Variants in GSG1L observed in about 807,000 individuals in gnomAD.
GSG1L encodes GSG1 like.
GSG1L carries 24 observed loss-of-function variants against 42.1 expected under a neutral mutation model. The ratio of observed to expected loss-of-function variants is 0.57; its 90% CI spans 0.41 to 0.80. GSG1L has a LOEUF of 0.80. Ranked by LOEUF, GSG1L falls within the 30% of genes least tolerant of loss-of-function variation. The pLI is 0.00. For synonymous variants in GSG1L, 215 were observed against 203.5 expected (o/e 1.06, Z -0.48); for missense variants, 445 against 472.2 (o/e 0.94, Z 0.53).
At chr16:27,990,596 G>T (rs2085444615) in intron 1 of GSG1L, among the ~76,000 whole-genome samples, 1 of 152,144 alleles carries the variant, frequency 6.6e-6, no homozygotes, top group Non-Finnish European at 1.5e-5. Flanking sequence ...GATAAATAAA[G>T]AATGACACTT....
At chr16:27,979,733 A>AAGAAAAAGAAAGAAAGG (rs1555512114) in intron 1 of GSG1L, among the ~76,000 whole-genome samples, 8 of 65,362 alleles carry the variant, frequency 1.2e-4, no homozygotes, top group Admixed American at 3.2e-4. Context: ...GAAGGAAAGA[A>AAGAAAAAGAAAGAAAGG]AAAGAAAGAA....
intron 1 of GSG1L, among the ~76,000 whole-genome samples, chr16:28,006,041 G>A (rs558101398): frequency 6.6e-6 from 1 of 152,132 alleles, no homozygotes; most frequent in African/African-American, 2.4e-5. Flanking sequence ...AGAGGGAGAA[G>A]CCAGGTGAGA....
chr16:27,922,585 C>T (rs1331501413), intron 2 of GSG1L, among the ~76,000 whole-genome samples: 1 of 152,208 alleles, frequency 6.6e-6, no homozygotes, highest in Non-Finnish European at 1.5e-5. Flanking sequence ...TTTGTTCACT[C>T]TACACTATTC....
chr16:28,060,372 C>A (rs2086327466), intron 1 of GSG1L, among the ~76,000 whole-genome samples: 1 of 152,062 alleles, frequency 6.6e-6, no homozygotes, highest in Non-Finnish European at 1.5e-5. Context: ...CAGAAACCAC[C>A]CCAGCTGGCT....
At chr16:27,898,874 C>T (rs1026461168) in intron 2 of GSG1L, among the ~76,000 whole-genome samples, 2 of 152,140 alleles carry the variant, frequency 1.3e-5, no homozygotes, top group African/African-American at 4.8e-5. Context: ...GGCCATATTC[C>T]CACATGGAAA....
intron 3 of GSG1L, among the ~76,000 whole-genome samples, chr16:27,867,812 GC>G (rs760408497): frequency 1.4e-5 from 2 of 146,102 alleles, no homozygotes; most frequent in Middle Eastern, 3.4e-3. Context: ...CTGAGGCCAC[GC>G]CCCCTGAGGC....
At chr16:27,977,496 G>A (rs551574992) in intron 1 of GSG1L, among the ~76,000 whole-genome samples, 383 of 143,266 alleles carry the variant, frequency 2.7e-3, no homozygotes, top group African/African-American at 9.5e-3. Context: ...GGAGGCGGAG[G>A]TTGCAGTGAG....
intron 2 of GSG1L, among the ~76,000 whole-genome samples, chr16:27,925,640 G>A (rs1323535015): frequency 1.3e-5 from 2 of 152,174 alleles, no homozygotes; most frequent in Non-Finnish European, 2.9e-5. Context: ...ATGACCATCC[G>A]AGGGTGGGTC....
intron 6 of GSG1L, among the ~76,000 whole-genome samples, chr16:27,802,721 T>C (rs1399703056): frequency 6.6e-6 from 1 of 152,090 alleles, no homozygotes; most frequent in Admixed American, 6.6e-5. Flanking sequence ...CATCCCATAC[T>C]GTACTGCAGC....
intron 1 of GSG1L, among the ~76,000 whole-genome samples, chr16:28,024,094 G>A (rs150038018): frequency 6.6e-6 from 1 of 152,264 alleles, no homozygotes; most frequent in East Asian, 1.9e-4. Context: ...CTGAACTTCT[G>A]CCTCCAAACC....
At chr16:27,831,187 G>A (rs1428687344) in intron 4 of GSG1L, among the ~76,000 whole-genome samples, 1 of 152,198 alleles carries the variant, frequency 6.6e-6, no homozygotes, top group African/African-American at 2.4e-5. Flanking sequence ...TGAGCCAGGA[G>A]TTGCTGGGGA....
Position 28,059,295 on chromosome 16 carries a change from C to A in GSG1L, c.349+3781G>T, listed in dbSNP as rs954471151. Among the ~76,000 whole-genome samples, 20 of 152,148 alleles carry A rather than the reference C, an allele frequency of 1.3e-4. No individual in the cohort carries two copies. Among genetic ancestry groups the A allele is most frequent in the Non-Finnish European group, 2.1e-4 (14 of 68,032 alleles). On this transcript the variant is annotated intron_variant, in intron 1 of 6. Coordinates refer to ENST00000447459, the MANE Select transcript of GSG1L (RefSeq NM_001109763.2). The surrounding 1 kb of genome is among the most constrained non-coding windows in gnomAD (Gnocchi z 4.4). Reference sequence around the variant, plus strand: ...GGAAACATGCTCCTTCCTACCCCAACGTCTCTGGGACTGTGGGAGGGGCCA... The same window carrying A: ...GGAAACATGCTCCTTCCTACCCCAAAGTCTCTGGGACTGTGGGAGGGGCCA...
At chr16:27,997,806 T>C (rs1449677550) in intron 1 of GSG1L, among the ~76,000 whole-genome samples, 1 of 150,908 alleles carries the variant, frequency 6.6e-6, no homozygotes, top group African/African-American at 2.4e-5. Context: ...GCAGTGTCCA[T>C]CATACCCAAT....
chr16:27,807,706 C>G, intron 5 of GSG1L, 152 bp from the exon 6 acceptor site: 1 of 644,440 alleles, frequency 1.6e-6, no homozygotes, highest in Non-Finnish European at 2.7e-6. Flanking sequence ...GGATTTTGAC[C>G]ACAACCTTGT....
In GSG1L at chr16:27,848,289, A is replaced by G. The variant is rs185101379; in HGVS notation, c.551-3228T>C. Among the ~76,000 whole-genome samples, 257 of 152,270 alleles carry G rather than the reference A, an allele frequency of 1.7e-3. 2 individuals are homozygous for G. The highest frequency in any genetic ancestry group is 1.7e-3 in the Non-Finnish European group (119 of 68,036). On this transcript the variant is annotated intron_variant, in intron 3 of 6. Transcript: ENST00000447459. ...CAGCGCCAAGCCCAGTACCTGACAC[A>G]CAGTAGGCATTCAATAAGTGTTTAC... is the stretch of plus-strand genomic sequence containing the variant.
chr16:27,827,514 T>A (rs1212235696), intron 5 of GSG1L, among the ~76,000 whole-genome samples: 1 of 151,696 alleles, frequency 6.6e-6, no homozygotes, highest in Non-Finnish European at 1.5e-5. Context: ...TGGAGAGTGG[T>A]AGTGGTAGCT....
chr16:27,816,517 C>T (rs1404035253), intron 5 of GSG1L, among the ~76,000 whole-genome samples: 1 of 152,202 alleles, frequency 6.6e-6, no homozygotes, highest in Non-Finnish European at 1.5e-5. Context: ...AGCACCAGCC[C>T]TATTTCGCAG....
intron 1 of GSG1L, among the ~76,000 whole-genome samples, chr16:27,996,221 T>G (rs2085513082): frequency 6.6e-6 from 1 of 152,122 alleles, no homozygotes; most frequent in Non-Finnish European, 1.5e-5. Context: ...AGAACCCATA[T>G]CTGAATTCTG....
intron 3 of GSG1L, among the ~76,000 whole-genome samples, chr16:27,870,265 A>ATC (rs1298680939): frequency 5.7e-5 from 6 of 105,334 alleles, no homozygotes; most frequent in Admixed American, 4.0e-4. Context: ...GTCTCCCTCC[A>ATC]TCTCTCTCTC....
Sources: gnomAD v4.1 joint callset for allele counts (sites outside exome capture counted in the v4.1 genomes callset) on GRCh38, gnomAD v4.1.1 for gene constraint, Gnocchi (gnomAD v3.1) non-coding constraint, MANE v1.5 for transcripts, NCBI Gene and HGNC (gene_info 2026-07-23, HGNC 2026-07-21) for gene names.